The following IP6K1 variants were observed in gnomAD, a reference collection of about 807,000 sequenced individuals.
The protein encoded by IP6K1 is ATP:1D-myo-inositol-hexakisphosphate phosphotransferase.
Under a neutral mutation model 38.3 loss-of-function variants are expected in IP6K1, and 13 were observed. The ratio of observed to expected loss-of-function variants is 0.34; its 90% CI spans 0.22 to 0.54. The LOEUF is 0.54. Ranked by LOEUF, IP6K1 falls within the 20% of genes least tolerant of loss-of-function variation. The pLI, the probability that IP6K1 is intolerant of heterozygous loss-of-function variation, is 0.92. For missense variants in IP6K1, 397 were observed against 599.8 expected (o/e 0.66, Z 3.53); for synonymous variants, 212 against 229.9 (o/e 0.92, Z 0.70).
intron 1 of IP6K1, among the ~76,000 whole-genome samples, chr3:49,783,119 C>CAA (rs1177853458): frequency 2.0e-5 from 2 of 101,044 alleles, no homozygotes; most frequent in Admixed American, 1.1e-4. Flanking sequence ...GACTCTGTCT[C>CAA]AAAAAAAAAA....
chr3:49,728,409 G>C, intron 4 of IP6K1, 131 bp from the exon 5 acceptor site: 1 of 765,360 alleles, frequency 1.3e-6, no homozygotes, highest in Non-Finnish European at 2.1e-6. Context: ...TCTCAAATAT[G>C]GGTTTCACAC....
At chr3:49,773,675 G>C (rs1356375314) in intron 1 of IP6K1, among the ~76,000 whole-genome samples, 3 of 152,112 alleles carry the variant, frequency 2.0e-5, no homozygotes, top group Admixed American at 6.5e-5. Flanking sequence ...TTCCCAAATA[G>C]AGAAGAAGCT....
Position 49,732,655 on chromosome 3 carries a change from A to T in IP6K1, c.616+136T>A, listed in dbSNP as rs1258446414. The stretch of plus-strand genomic sequence containing the variant: ...ACATGTTGATGAAAGTAAACGAAGG[A>T]AGAGGAGTCCATGAAAAAGGGAGAT... On this transcript the variant is annotated intron_variant, in intron 4 of 5. Coordinates refer to ENST00000321599, the MANE Select transcript of IP6K1 (RefSeq NM_153273.4). The T allele has an allele frequency of 4.8e-6, 3 of 630,748 alleles. No individual in the cohort carries two copies. In the Admixed American group the frequency reaches 1.0e-4, roughly 21 times the overall value. The allele number at this position is 630,748 out of a possible 1,614,324, so 39.1% of individuals were successfully genotyped here.
chr3:49,782,409 C>T lies in IP6K1; in HGVS notation c.-129+3945G>A, dbSNP rs192662300. Among the ~76,000 whole-genome samples the T allele has an allele frequency of 5.5e-3, 832 of 152,052 alleles. 3 individuals are homozygous for T. The highest frequency in any genetic ancestry group is 8.4e-3 in the Non-Finnish European group (568 of 67,966). On this transcript the variant is annotated intron_variant, in intron 1 of 5. Coordinates refer to ENST00000321599, the MANE Select transcript of IP6K1 (RefSeq NM_153273.4). ...TGGTATGGAACTCCTGACCTCGTGA[C>T]CCGCCCACCTTGGCCTCCCACAGTG...
Position 49,738,290 on chromosome 3 carries a change from C to T in IP6K1, c.356G>A (p.Arg119His), listed in dbSNP as rs2080633195. ...EREQPRRKHSRRSLHRSGSGS... is the reference protein window; with the variant it reads ...EREQPRRKHSHRSLHRSGSGS... ...ACTGCCTGACCGGTGCAGGCTCCGG[C>T]GGGAGTGTTTGCGCCGAGGTTGCTC... The change falls in exon 3 of 6, where the codon CGC becomes CAC. Residue 119 changes from arginine to histidine, a missense_variant. By Grantham distance (29) the Arg-to-His change is conservative. Coordinates refer to ENST00000321599, the MANE Select transcript of IP6K1 (RefSeq NM_153273.4). 4 of 1,614,086 alleles carry T rather than the reference C, an allele frequency of 2.5e-6. No homozygotes were observed. In the South Asian group the frequency reaches 3.3e-5, roughly 13 times the overall value.
chr3:49,777,501 T>C (rs558574103), intron 1 of IP6K1, among the ~76,000 whole-genome samples: 1 of 150,650 alleles, frequency 6.6e-6, no homozygotes, highest in South Asian at 2.1e-4. Flanking sequence ...AGGTGGAGGT[T>C]ACAGTGAGTG....
chr3:49,780,338 A>ACACACACACACACACACACACACC (rs1422452488), intron 1 of IP6K1, among the ~76,000 whole-genome samples: 1 of 151,878 alleles, frequency 6.6e-6, no homozygotes, highest in Non-Finnish European at 1.5e-5. Flanking sequence ...ACACACACAC[A>ACACACACACACACACACACACACC]CACAGTCTTA....
chr3:49,780,341 C>CACACAG (rs1025490190), intron 1 of IP6K1, among the ~76,000 whole-genome samples: 2 of 152,036 alleles, frequency 1.3e-5, no homozygotes, highest in African/African-American at 4.8e-5. Context: ...CACACACACA[C>CACACAG]AGTCTTAGGC....
intron 1 of IP6K1, among the ~76,000 whole-genome samples, chr3:49,783,862 C>T (rs1033109488): frequency 8.5e-5 from 13 of 152,122 alleles, no homozygotes; most frequent in African/African-American, 3.1e-4. Flanking sequence ...TAACTAAAGA[C>T]TACTCAACTT....
intron 1 of IP6K1, among the ~76,000 whole-genome samples, chr3:49,774,862 C>T (rs1022593099): frequency 3.3e-5 from 5 of 151,904 alleles, no homozygotes; most frequent in Admixed American, 6.6e-5. Context: ...TTCCTGTAGG[C>T]CTCTGGTCAT....
At chr3:49,774,255 A>G (rs2080986010) in intron 1 of IP6K1, among the ~76,000 whole-genome samples, 1 of 151,732 alleles carries the variant, frequency 6.6e-6, no homozygotes, top group Admixed American at 6.6e-5. Context: ...AAATACAAAA[A>G]AAATTAGCCG....
intron 1 of IP6K1, among the ~76,000 whole-genome samples, chr3:49,779,085 T>G (rs1380426402): frequency 2.0e-5 from 3 of 152,212 alleles, no homozygotes; most frequent in African/African-American, 7.2e-5. Flanking sequence ...GTTTTAATCA[T>G]CTCAAAAAGA....
chr3:49,779,657 G>A (rs1204799867), intron 1 of IP6K1, among the ~76,000 whole-genome samples: 1 of 152,028 alleles, frequency 6.6e-6, no homozygotes, highest in Non-Finnish European at 1.5e-5. Flanking sequence ...GTTGTTTAAT[G>A]ATTGTTCATT....
At chr3:49,756,131 GA>G (rs2080820441) in intron 1 of IP6K1, among the ~76,000 whole-genome samples, 1 of 152,200 alleles carries the variant, frequency 6.6e-6, no homozygotes, top group African/African-American at 2.4e-5. Flanking sequence ...TGTCTCTAAA[GA>G]AGAGATGAAA....
chr3:49,754,843 T>C (rs940164776), intron 1 of IP6K1, among the ~76,000 whole-genome samples: 4 of 151,942 alleles, frequency 2.6e-5, no homozygotes, highest in Non-Finnish European at 4.4e-5. Context: ...GTATATACTC[T>C]AAGAAGTTCA....
chr3:49,748,317 AGTTGGTT>A (rs2080741552), intron 1 of IP6K1, 149 bp from the exon 2 acceptor site: 3 of 464,244 alleles, frequency 6.5e-6, no homozygotes, highest in Non-Finnish European at 1.2e-5. Context: ...CATGAAAGGC[AGTTGGTT>A]AAATTTTTGC....
chr3:49,774,309 G>A (rs2080986665), intron 1 of IP6K1, among the ~76,000 whole-genome samples: 3 of 150,312 alleles, frequency 2.0e-5, no homozygotes, highest in African/African-American at 4.9e-5. Context: ...TCGAGAAGCT[G>A]AGGCAGGAGA....
Position 49,727,596 on chromosome 3 carries a change from G to C in IP6K1, c.852C>G (p.Leu284=), listed in dbSNP as rs1367519926. Residue 284 remains leucine, a synonymous_variant, in exon 6 of 6, where the codon CTC becomes CTG. Transcript: ENST00000321599. This position sits in a 1 kb window ranked among gnomAD's most constrained non-coding sequence, Gnocchi z 5.9. ...GGGCATTGCGGAAGCCTTCAATGGA[G>C]AGCCCACGGCCATAGTACTTGTTCC... ...LCRNKYYGRG[L]SIEGFRNALY... The C allele has an allele frequency of 6.2e-7, 1 of 1,614,194 alleles. No homozygotes were observed.
At chr3:49,778,993 T>G (rs1391019045) in intron 1 of IP6K1, among the ~76,000 whole-genome samples, 1 of 152,122 alleles carries the variant, frequency 6.6e-6, no homozygotes, top group Non-Finnish European at 1.5e-5. Flanking sequence ...CATTAAGGTG[T>G]ACAATTCAAT....
Sources: gnomAD v4.1 joint callset for allele counts (sites outside exome capture counted in the v4.1 genomes callset) on GRCh38, gnomAD v4.1.1 for gene constraint, Gnocchi (gnomAD v3.1) non-coding constraint, MANE v1.5 for transcripts, NCBI Gene and HGNC (gene_info 2026-07-23, HGNC 2026-07-21) for gene names.